Variants in COG5 observed in about 807,000 individuals in gnomAD.
The protein encoded by COG5 is conserved oligomeric Golgi complex subunit 5.
A neutral mutation model predicts 110.4 loss-of-function variants in COG5; 86 were observed. That is an observed-to-expected ratio of 0.78 (90% CI 0.65 to 0.93). The LOEUF (loss-of-function observed/expected upper bound fraction) is 0.93. COG5 is among the 40% of genes least tolerant of loss of function. The pLI is 0.00. For synonymous variants in COG5, 360 were observed against 334.6 expected (o/e 1.08, Z -0.83); for missense variants, 1,077 against 987.0 (o/e 1.09, Z -1.22).
intron 6 of COG5, among the ~76,000 whole-genome samples, chr7:107,492,216 CTTTGT>C (rs367880031): frequency 2.2e-3 from 245 of 113,134 alleles, no homozygotes; most frequent in Admixed American, 5.5e-3. Context: ...GTTTATTTTG[CTTTGT>C]TTTAACTCTA....
At chr7:107,541,798 G>A (rs1259386832) in intron 5 of COG5, among the ~76,000 whole-genome samples, 2 of 151,250 alleles carry the variant, frequency 1.3e-5, no homozygotes, top group Non-Finnish European at 2.9e-5. Flanking sequence ...GGGCATGGTG[G>A]CAGGCACCTG....
In COG5 at chr7:107,283,591, A is replaced by G. The variant is rs1284593086; in HGVS notation, c.1455T>C (p.Gly485=). ...CATACCTTGCTATAGTTTTAATAAT[A>G]CCATCAAGTTCATCAGAGGAAGGAG... ...RNPPSSDELD[G]IIKTIASELN... The change falls in exon 13 of 22, where the codon GGT becomes GGC. Residue 485 remains glycine (G), a synonymous_variant. Coordinates refer to ENST00000297135, the MANE Select transcript of COG5 (RefSeq NM_006348.5). 2 of 1,614,008 alleles carry G rather than the reference A, an allele frequency of 1.2e-6. No homozygotes were observed. The highest frequency in any genetic ancestry group is 2.2e-5 in the South Asian group (2 of 91,082).
chr7:107,210,472 C>A, intron 21 of COG5, 54 bp downstream of exon 21: 1 of 1,558,106 alleles, frequency 6.4e-7, no homozygotes, highest in East Asian at 2.3e-5. Flanking sequence ...CTTGCATCCC[C>A]ACCCTCCTTG....
intron 6 of COG5, among the ~76,000 whole-genome samples, chr7:107,455,371 G>A (rs1407733461): frequency 1.3e-5 from 2 of 152,152 alleles, no homozygotes; most frequent in Non-Finnish European, 2.9e-5. Context: ...ACTTTTAGAT[G>A]AGATGCACAG....
intron 5 of COG5, among the ~76,000 whole-genome samples, chr7:107,534,550 A>G (rs894639765): frequency 1.3e-5 from 2 of 151,522 alleles, no homozygotes; most frequent in African/African-American, 4.9e-5. Context: ...CTTTAAACCA[A>G]CAAAGATCAA....
chr7:107,427,001 T>C (rs555052112), intron 6 of COG5, among the ~76,000 whole-genome samples: 144 of 152,112 alleles, frequency 9.5e-4, no homozygotes, highest in Non-Finnish European at 7.5e-4. Flanking sequence ...CCCAGAAAAA[T>C]ATCCGAGTAA....
intron 5 of COG5, among the ~76,000 whole-genome samples, chr7:107,530,834 T>A (rs1431770754): frequency 5.9e-5 from 9 of 152,074 alleles, no homozygotes; most frequent in Non-Finnish European, 1.0e-4. Flanking sequence ...CTCCCTGTTT[T>A]TTTATCTTAG....
At chr7:107,327,678 G>C (rs777651278) in intron 10 of COG5, among the ~76,000 whole-genome samples, 2 of 152,032 alleles carry the variant, frequency 1.3e-5, no homozygotes, top group Non-Finnish European at 2.9e-5. Context: ...TAAATGGCTG[G>C]CCAACAAGCA....
intron 11 of COG5, among the ~76,000 whole-genome samples, chr7:107,302,274 A>G (rs777865398): frequency 9.9e-5 from 15 of 152,214 alleles, no homozygotes; most frequent in Non-Finnish European, 1.8e-4. Context: ...ATAAGAATAT[A>G]TAATATATGC....
chr7:107,260,876 G>A (rs1803279142), intron 14 of COG5, among the ~76,000 whole-genome samples: 1 of 152,010 alleles, frequency 6.6e-6, no homozygotes, highest in Admixed American at 6.6e-5. Context: ...AATATAATCA[G>A]TCCAAGTCCA....
At chr7:107,561,061 A>G (rs572857127) in intron 1 of COG5, among the ~76,000 whole-genome samples, 88 of 152,230 alleles carry the variant, frequency 5.8e-4, no homozygotes, top group Admixed American at 1.1e-3. Flanking sequence ...AGAATGGCAA[A>G]AGCCAAAAGA....
chr7:107,414,016 AG>A (rs1792511420), intron 6 of COG5, among the ~76,000 whole-genome samples: 3 of 152,198 alleles, frequency 2.0e-5, no homozygotes, highest in Non-Finnish European at 4.4e-5. Context: ...AGGCCTCAAA[AG>A]AATAGAGCTT....
chr7:107,264,563 G>A (rs1156442583), intron 14 of COG5, among the ~76,000 whole-genome samples: 6 of 151,978 alleles, frequency 3.9e-5, no homozygotes, highest in African/African-American at 1.2e-4. Flanking sequence ...GTGGTGGTAC[G>A]CGCCTGTAGG....
chr7:107,384,766 A>C (rs776182860), intron 7 of COG5, among the ~76,000 whole-genome samples: 11 of 152,194 alleles, frequency 7.2e-5, no homozygotes, highest in Non-Finnish European at 1.5e-4. Flanking sequence ...GCTGTCTGTA[A>C]GCAAGAAGCA....
intron 15 of COG5, among the ~76,000 whole-genome samples, 182 bp downstream of exon 15, chr7:107,258,091 T>C (rs529844015): frequency 6.6e-6 from 1 of 152,270 alleles, no homozygotes; most frequent in Non-Finnish European, 1.5e-5. Context: ...CAAAAAGTCA[T>C]ACAAACAACG....
chr7:107,341,083 A>C (rs1220015227), intron 10 of COG5, among the ~76,000 whole-genome samples: 1 of 152,162 alleles, frequency 6.6e-6, no homozygotes, highest in African/African-American at 2.4e-5. Flanking sequence ...ACAGGATGTC[A>C]AAATTATGCC....
At chr7:107,556,866 G>C (rs1373122209) in intron 2 of COG5, among the ~76,000 whole-genome samples, 1 of 151,988 alleles carries the variant, frequency 6.6e-6, no homozygotes. Context: ...CAACTCCCAG[G>C]TTCAAGTGAT....
At chr7:107,461,612 G>C (rs1441356286) in intron 6 of COG5, among the ~76,000 whole-genome samples, 1 of 152,072 alleles carries the variant, frequency 6.6e-6, no homozygotes, top group Non-Finnish European at 1.5e-5. Context: ...AGATTGAAAA[G>C]GATGACATAA....
chr7:107,358,787 AC>A (rs1812847737), intron 10 of COG5, among the ~76,000 whole-genome samples: 2 of 152,070 alleles, frequency 1.3e-5, no homozygotes, highest in Admixed American at 1.3e-4. Flanking sequence ...TTCCCAGTAG[AC>A]AGCACTTTTT....
Sources: allele counts gnomAD v4.1 joint callset (sites outside exome capture counted in the v4.1 genomes callset), GRCh38; gene constraint gnomAD v4.1.1; transcripts MANE v1.5; gene names NCBI Gene and HGNC (gene_info 2026-07-23, HGNC 2026-07-21).